The following THBS4 variants were observed in gnomAD, a reference collection of about 807,000 sequenced individuals.
THBS4 encodes the protein thrombospondin-4.
A neutral mutation model predicts 115.7 loss-of-function variants in THBS4; 90 were observed. That is an observed-to-expected ratio of 0.78 (90% CI 0.66 to 0.93). The LOEUF (loss-of-function observed/expected upper bound fraction) is 0.93. Among genes scored for constraint, THBS4 ranks in the 40% least tolerant of loss-of-function variants. The pLI, the probability that THBS4 is intolerant of heterozygous loss-of-function variation, is 0.00. For synonymous variants in THBS4, 460 were observed against 479.3 expected (o/e 0.96, Z 0.53); for missense variants, 1,087 against 1,232.7 (o/e 0.88, Z 1.77).
rs1252072435 is a variant in THBS4 at position 80,079,260 on chromosome 5, T to C, written c.2511+2T>C. The C allele has an allele frequency of 2.5e-6, 4 of 1,597,790 alleles. No homozygotes were observed. The highest frequency in any genetic ancestry group is 2.2e-5 in the East Asian group (1 of 44,674). ...GCAGAACCTGGCATTCAGCTCAAGG[T>C]ATTGGTGGTTTGAAGTCATTCATCT... On this transcript the variant is annotated splice_donor_variant, in intron 19 of 21. Transcript: ENST00000350881. LOFTEE classifies it high-confidence loss of function.
Position 80,078,923 on chromosome 5 carries a change from C to A in THBS4, c.2268C>A (p.Gly756=), listed in dbSNP as rs537966984. The A allele has an allele frequency of 1.2e-6, 2 of 1,613,904 alleles. No individual in the cohort carries two copies. The highest frequency in any genetic ancestry group is 4.5e-5 in the East Asian group (2 of 44,878). ...IDPNWVVLNQ[G]MEIVQTMNSD... ...AACTCCCTCAACTCTCTCTGCAGGG[C>A]ATGGAGATTGTACAGACCATGAACA... Residue 756 remains glycine, a splice_region_variant and synonymous_variant, in exon 18 of 22, where the codon GGC becomes GGA. Coordinates refer to ENST00000350881, the MANE Select transcript of THBS4 (RefSeq NM_003248.6).
chr5:80,009,999 T>G (rs1258822294), intron 2 of THBS4, among the ~76,000 whole-genome samples: 2 of 152,044 alleles, frequency 1.3e-5, no homozygotes, highest in African/African-American at 4.8e-5. Flanking sequence ...AAAAATTAGC[T>G]GGATGTGCCT....
At chr5:79,992,571 A>G (rs1831705135) in intron 1 of THBS4, among the ~76,000 whole-genome samples, 1 of 152,248 alleles carries the variant, frequency 6.6e-6, no homozygotes, top group Non-Finnish European at 1.5e-5. Flanking sequence ...TAATAACTGT[A>G]TAATTGGAAA....
chr5:80,021,235 A>C (rs1055296154), intron 2 of THBS4, among the ~76,000 whole-genome samples: 3 of 152,188 alleles, frequency 2.0e-5, no homozygotes, highest in Non-Finnish European at 4.4e-5. Context: ...CTGCAAGTCC[A>C]TGTGAAACTA....
chr5:80,050,242 G>A (rs969509477), intron 2 of THBS4, among the ~76,000 whole-genome samples: 12 of 152,310 alleles, frequency 7.9e-5, no homozygotes, highest in Middle Eastern at 3.4e-3. Context: ...GGTAATTCAC[G>A]TAGAGCTGGC....
chr5:80,046,912 A>G (rs971524033), intron 2 of THBS4, among the ~76,000 whole-genome samples: 13 of 152,338 alleles, frequency 8.5e-5, no homozygotes, highest in African/African-American at 2.9e-4. Flanking sequence ...GTTGGATACT[A>G]TCATTCATAT....
intron 1 of THBS4, among the ~76,000 whole-genome samples, chr5:79,996,117 A>G (rs1359723343): frequency 1.3e-5 from 2 of 152,150 alleles, no homozygotes; most frequent in Admixed American, 6.5e-5. Context: ...AGCCTGGGCA[A>G]CAGAGTGACT....
intron 3 of THBS4, 61 bp from the exon 4 acceptor site, chr5:80,058,145 G>T: frequency 1.5e-6 from 2 of 1,305,786 alleles, no homozygotes; most frequent in Non-Finnish European, 1.1e-6. Flanking sequence ...GCGTGAGTAG[G>T]CAAGCACATT....
At chr5:80,023,950 C>A (rs77065939) in intron 2 of THBS4, among the ~76,000 whole-genome samples, 1 of 152,104 alleles carries the variant, frequency 6.6e-6, no homozygotes, top group Non-Finnish European at 1.5e-5. Flanking sequence ...AGGAATCCAT[C>A]CCCAGGATTC....
At chr5:80,064,260 A>C (rs1424325538) in intron 8 of THBS4, among the ~76,000 whole-genome samples, 1 of 152,234 alleles carries the variant, frequency 6.6e-6, no homozygotes, top group Non-Finnish European at 1.5e-5. Context: ...GCAGAAACAC[A>C]AGCCAAAAAA....
chr5:80,052,628 T>C (rs2112074366), intron 2 of THBS4: 1 of 152,352 alleles, frequency 6.6e-6, no homozygotes, highest in South Asian at 2.1e-4. Flanking sequence ...ATAAGAGATT[T>C]CCCGTCTGAC....
At chr5:80,012,191 T>G (rs890931875) in intron 2 of THBS4, among the ~76,000 whole-genome samples, 3 of 152,074 alleles carry the variant, frequency 2.0e-5, no homozygotes, top group Admixed American at 2.0e-4. Flanking sequence ...CAAGAAATAC[T>G]TAAGGGCCCA....
intron 6 of THBS4, 92 bp from the exon 7 acceptor site, chr5:80,059,611 G>C: frequency 6.3e-7 from 1 of 1,592,558 alleles, no homozygotes; most frequent in South Asian, 1.1e-5. Context: ...GGAGGGGAGG[G>C]AGGAAAAGTT....
intron 7 of THBS4, among the ~76,000 whole-genome samples, chr5:80,060,970 G>T (rs1319826411): frequency 6.6e-6 from 1 of 152,176 alleles, no homozygotes; most frequent in Non-Finnish European, 1.5e-5. Context: ...CCATGGTAAT[G>T]TTAGTAACAC....
intron 2 of THBS4, 130 bp downstream of exon 2, chr5:80,040,410 T>A: frequency 1.4e-6 from 1 of 701,594 alleles, no homozygotes; most frequent in Non-Finnish European, 2.3e-6. Flanking sequence ...CAGTTTTTAA[T>A]ACTGAATTCT....
chr5:80,081,556 TTG>T (rs1743507650), intron 20 of THBS4, among the ~76,000 whole-genome samples: 1 of 152,226 alleles, frequency 6.6e-6, no homozygotes, highest in African/African-American at 2.4e-5. Flanking sequence ...TAACAGACTG[TTG>T]TGTCAGTGAC....
chr5:80,002,769 C>G (rs1356085873), intron 2 of THBS4, among the ~76,000 whole-genome samples: 1 of 142,232 alleles, frequency 7.0e-6, no homozygotes, highest in South Asian at 2.2e-4. Context: ...AAAAGGAAAA[C>G]CTAAGAACAA....
chr5:80,058,824 C>G (rs432267), intron 5 of THBS4, 34 bp downstream of exon 5: 820,627 of 1,595,318 alleles, frequency 0.51, 212,620 homozygotes, highest in African/African-American at 0.63. Flanking sequence ...GAAAAGCCCT[C>G]GTCTTCTTAG....
intron 9 of THBS4, chr5:80,066,318 CT>C (rs1324807663): frequency 1.3e-5 from 2 of 152,168 alleles, no homozygotes; most frequent in Non-Finnish European, 2.9e-5. Context: ...CTCTAGGTTC[CT>C]TGTTTCCTTG....
Sources: gnomAD v4.1 joint callset for allele counts (sites outside exome capture counted in the v4.1 genomes callset) on GRCh38, gnomAD v4.1.1 for gene constraint, MANE v1.5 for transcripts, NCBI Gene and HGNC (gene_info 2026-07-23, HGNC 2026-07-21) for gene names.